The following MYH11 variants were observed in gnomAD, a reference collection of about 807,000 sequenced individuals.
MYH11 encodes myosin-11.
A neutral mutation model predicts 246.6 loss-of-function variants in MYH11; 80 were observed. That is an observed-to-expected ratio of 0.32 (90% CI 0.27 to 0.39). The LOEUF (loss-of-function observed/expected upper bound fraction) is 0.39, where lower values mean the gene tolerates loss of function less well. MYH11 is among the 10% of genes least tolerant of loss of function. The pLI is 1.00. For synonymous variants in MYH11, 1,071 were observed against 1,015.5 expected (o/e 1.05, Z -1.04); for missense variants, 2,158 against 2,546.8 (o/e 0.85, Z 3.29).
chr16:15,732,586 T>A lies in MYH11; in HGVS notation c.3629A>T (p.Glu1210Val), dbSNP rs1392543955. ...KHAQAVEELT[E>V]QLEQFKRAKA... ...TACCCTCTTGAACTGCTCAAGCTGC[T>A]CTGTGAGCTCCTCCACCGCCTGTGC... The change falls in exon 27 of 41, where the codon GAG becomes GTG. Residue 1210 changes from glutamate (E) to valine (V), a missense_variant. Physicochemically the swap from Glu to Val is moderately radical, Grantham distance 121 (BLOSUM62 -2). Coordinates refer to ENST00000300036, the MANE Select transcript of MYH11 (RefSeq NM_002474.3). 1 of 1,614,242 alleles carries A rather than the reference T, an allele frequency of 6.2e-7. No homozygotes were observed. The highest frequency in any genetic ancestry group is 1.3e-5 in the African/African-American group (1 of 75,062).
At chr16:15,758,790 ACT>A (rs2041796612) in intron 12 of MYH11, among the ~76,000 whole-genome samples, 1 of 150,058 alleles carries the variant, frequency 6.7e-6, no homozygotes, top group Non-Finnish European at 1.5e-5. Context: ...ACAGAGCGAG[ACT>A]CTGTCTAAAA....
intron 6 of MYH11, among the ~76,000 whole-genome samples, chr16:15,781,418 C>G (rs1268953874): frequency 3.3e-5 from 5 of 152,174 alleles, no homozygotes; most frequent in Admixed American, 6.5e-5. Context: ...TGTGCATTTG[C>G]TCAGCAGAGC....
chr16:15,836,304 C>G (rs1241033899), intron 2 of MYH11, among the ~76,000 whole-genome samples: 2 of 152,136 alleles, frequency 1.3e-5, no homozygotes, highest in Non-Finnish European at 1.5e-5. Context: ...CTTATGCTAC[C>G]CAGTACACCA....
chr16:15,755,274 T>C (rs1257696770), intron 14 of MYH11, among the ~76,000 whole-genome samples: 1 of 152,180 alleles, frequency 6.6e-6, no homozygotes, highest in Non-Finnish European at 1.5e-5. Flanking sequence ...GGCAAGGGCC[T>C]ATACAATAAC....
intron 3 of MYH11, among the ~76,000 whole-genome samples, chr16:15,820,672 G>A (rs144016712): frequency 6.6e-6 from 1 of 152,210 alleles, no homozygotes; most frequent in East Asian, 1.9e-4. Flanking sequence ...GGCTGCAGAA[G>A]TCAAGCATGA....
chr16:15,744,120 TA>T (rs77951359), intron 20 of MYH11, among the ~76,000 whole-genome samples: 162 of 138,916 alleles, frequency 1.2e-3, no homozygotes, highest in Middle Eastern at 3.8e-3. Flanking sequence ...ATGCAAAAAG[TA>T]AAAAAAAAAA....
rs1238366982 is a variant in MYH11, at chr16:15,782,834, C to T, written c.634-357G>A. On this transcript the variant is annotated intron_variant, in intron 5 of 40. Transcript: ENST00000300036. ...CCCCCCGGAGTTGTGCAGTGCACCA[C>T]CTGTCCCACTGTACATGGCAGTCGT... 3.9e-5 allele frequency: 12 copies of T among 307,122 alleles called. 1 individual carries two copies. The South Asian group carries it at 4.1e-4, about 10-fold the overall frequency. 19.0% of individuals were successfully genotyped at this position (307,122 alleles called of 1,614,324 possible). A position where few individuals can be genotyped will look rare whatever the true frequency, so the allele number is the denominator to read the frequency against.
intron 1 of MYH11, among the ~76,000 whole-genome samples, chr16:15,855,926 T>C (rs2044455699): frequency 6.6e-6 from 1 of 152,154 alleles, no homozygotes; most frequent in Admixed American, 6.5e-5. Context: ...CCACCTTGGG[T>C]TTCTAAATAT....
At chr16:15,725,589 T>C (rs1443901581) in intron 28 of MYH11, 1 of 406,426 alleles carries the variant, frequency 2.5e-6, no homozygotes, top group Non-Finnish European at 4.3e-6. Context: ...CCTCCATCTC[T>C]TCCATTGACA....
intron 40 of MYH11, among the ~76,000 whole-genome samples, chr16:15,709,765 T>C (rs564252985): frequency 6.6e-6 from 1 of 152,226 alleles, no homozygotes; most frequent in African/African-American, 2.4e-5. Context: ...AGCCAAGAAG[T>C]CCCAGGCAAG....
At position 15,788,794 on chromosome 16, in the gene MYH11, A is replaced by ATGTGTG. The variant is rs1491200616; in HGVS notation, c.531-2063_531-2062insCACACA. ...CCCAGAAGGGGAAACTAAGACCAGA[A>ATGTGTG]TATATGTGTGTGTGTGTGTGTGTGT... On this transcript the variant is annotated intron_variant, in intron 4 of 40. Coordinates refer to ENST00000300036, the MANE Select transcript of MYH11 (RefSeq NM_002474.3). Among the ~76,000 whole-genome samples the ATGTGTG allele has an allele frequency of 5.6e-3, 605 of 107,762 alleles. 2 individuals are homozygous for ATGTGTG. The highest frequency in any genetic ancestry group is 0.017 in the Middle Eastern group (4 of 230). The allele number at this position is 107,762 out of a possible 152,430, so 70.7% of individuals were successfully genotyped here.
At position 15,720,956 on chromosome 16, in the gene MYH11, C is replaced by T. The variant is rs778499852; in HGVS notation, c.4674G>A (p.Thr1558=). 8 of 1,613,940 alleles carry T rather than the reference C, an allele frequency of 5.0e-6. No individual in the cohort carries two copies. Among genetic ancestry groups the T allele is most frequent in the East Asian group, 4.5e-5 (2 of 44,876 alleles). Reference sequence around the variant, plus strand: ...CTTCCAGCCGCAGTTTGGCGTCCTCCGTGGCTTGCAGCTCGTCCTCCAGCT... The same window carrying T: ...CTTCCAGCCGCAGTTTGGCGTCCTCTGTGGCTTGCAGCTCGTCCTCCAGCT... ...LEELEDELQA[T]EDAKLRLEVN... is the part of the protein sequence containing the mutation. The change falls in exon 33 of 41, where the codon ACG becomes ACA. Residue 1558 remains threonine (T), a synonymous_variant. Transcript: ENST00000300036.
At chr16:15,836,670 G>A (rs28691806) in intron 2 of MYH11, among the ~76,000 whole-genome samples, 16,007 of 150,982 alleles carry the variant, frequency 0.11, 1,137 homozygotes, top group Non-Finnish European at 0.16. Context: ...AAAGTGCTGG[G>A]ATTACAGGTG....
intron 1 of MYH11, 47 bp from the exon 2 acceptor site, chr16:15,838,316 G>A (rs750824757): frequency 7.8e-5 from 118 of 1,515,932 alleles, no homozygotes; most frequent in South Asian, 1.9e-4. Flanking sequence ...AACCAAGCCC[G>A]GAAGACAGAC....
chr16:15,827,024 G>GA (rs1215844827), intron 2 of MYH11, among the ~76,000 whole-genome samples: 2 of 142,448 alleles, frequency 1.4e-5, no homozygotes, highest in Non-Finnish European at 3.0e-5. Flanking sequence ...AAAAAAAAAG[G>GA]AAACAGGATT....
Position 15,774,908 on chromosome 16 carries a change from T to A in MYH11, c.889+1170A>T, listed in dbSNP as rs192071039. ...CCACCCTGGAAATTTAAATAATGGA[T>A]AATGCCACCCCCTAGTAGCTGAGGT... On this transcript the variant is annotated intron_variant, in intron 8 of 40. Transcript: ENST00000300036. Among the ~76,000 whole-genome samples the A allele has an allele frequency of 3.9e-5, 6 of 152,296 alleles. No homozygotes were observed. The East Asian group carries it at 1.2e-3, about 29-fold the overall frequency.
At chr16:15,790,521 C>T (rs1033759329) in intron 4 of MYH11, among the ~76,000 whole-genome samples, 1 of 152,102 alleles carries the variant, frequency 6.6e-6, no homozygotes, top group South Asian at 2.1e-4. Flanking sequence ...CCAAAGAAAA[C>T]ATCCCAAGCT....
At chr16:15,852,986 A>T (rs1006605380) in intron 1 of MYH11, among the ~76,000 whole-genome samples, 1 of 152,172 alleles carries the variant, frequency 6.6e-6, no homozygotes, top group African/African-American at 2.4e-5. Context: ...TCACTGCTTC[A>T]TCCCTTGAGC....
At chr16:15,777,214 C>T (rs146615528) in intron 7 of MYH11, among the ~76,000 whole-genome samples, 194 of 152,222 alleles carry the variant, frequency 1.3e-3, no homozygotes, top group Non-Finnish European at 2.4e-3. Context: ...CTCTGCCTCC[C>T]GGATCCAAGC....
Sources: allele counts gnomAD v4.1 joint callset (sites outside exome capture counted in the v4.1 genomes callset), GRCh38; gene constraint gnomAD v4.1.1; transcripts MANE v1.5; gene names NCBI Gene and HGNC (gene_info 2026-07-23, HGNC 2026-07-21).